PPARGC1A: variants seen among roughly 807,000 people sequenced by gnomAD.
The protein encoded by PPARGC1A is peroxisome proliferator-activated receptor gamma coactivator 1-alpha.
A neutral mutation model predicts 88.7 loss-of-function variants in PPARGC1A; 25 were observed. The observed-to-expected ratio is 0.28, with a 90% CI of 0.21 to 0.39. The LOEUF is 0.39. PPARGC1A is among the 10% of genes least tolerant of loss of function. PPARGC1A has a pLI of 1.00. For missense variants in PPARGC1A, 880 were observed against 968.7 expected, an observed-to-expected ratio of 0.91 and a Z score of 1.22; for synonymous variants, 363 against 355.6, an observed-to-expected ratio of 1.02 and a Z score of -0.24.
chr4:23,962,035 A>T, the PPARGC1A span, among the ~76,000 whole-genome samples: 1 of 152,150 alleles, frequency 6.6e-6, no homozygotes, highest in African/African-American at 2.4e-5. Context: ...GGCCAGTACG[A>T]AAAGGGTTAG....
In PPARGC1A at chr4:23,795,925, T is replaced by C; in HGVS notation, c.2294A>G (p.Asp765Gly). ...QFFKSNYADL[D>G]SNSDDFDPAS... ...AGGGTCAAAGTCATCTGAGTTTGAATCTGAAAAAAAACACAAGCCAGTTTA... is the reference window on the plus strand; with the variant it reads ...AGGGTCAAAGTCATCTGAGTTTGAACCTGAAAAAAAACACAAGCCAGTTTA... The change falls in exon 13 of 13, where the codon GAT becomes GGT. Residue 765 changes from aspartate (D) to glycine (G), a missense_variant and splice_region_variant. Asp to Gly is a moderately conservative substitution (Grantham distance 94, BLOSUM62 -1). Transcript: ENST00000264867. 6.2e-7 allele frequency: 1 copy of C among 1,608,126 alleles called. No homozygotes were observed. The highest frequency in any genetic ancestry group is 8.5e-7 in the Non-Finnish European group (1 of 1,176,792).
the PPARGC1A span, among the ~76,000 whole-genome samples, chr4:24,388,081 A>G: frequency 6.6e-6 from 1 of 151,948 alleles, no homozygotes; most frequent in Non-Finnish European, 1.5e-5. Context: ...AATTTTTGCA[A>G]TCTATCCATC....
the PPARGC1A span, among the ~76,000 whole-genome samples, chr4:24,130,083 G>C: frequency 6.6e-6 from 1 of 151,998 alleles, no homozygotes; most frequent in Non-Finnish European, 1.5e-5. Context: ...CACCAACATG[G>C]CAAATGTATA....
chr4:23,818,090 A>C (rs1722309329), intron 7 of PPARGC1A, among the ~76,000 whole-genome samples: 1 of 151,758 alleles, frequency 6.6e-6, no homozygotes, highest in African/African-American at 2.4e-5. Flanking sequence ...TAATCTCTGG[A>C]CTCTCGATTT....
the PPARGC1A span, among the ~76,000 whole-genome samples, chr4:24,426,130 T>G: frequency 2.0e-5 from 3 of 152,198 alleles, no homozygotes; most frequent in African/African-American, 4.8e-5. Flanking sequence ...AGTTTAGACC[T>G]TGTCCTTATT....
At chr4:24,109,804 G>A in the PPARGC1A span, among the ~76,000 whole-genome samples, 92,415 of 151,934 alleles carry the variant, frequency 0.61, 28,498 homozygotes, top group African/African-American at 0.71. Flanking sequence ...GAGGGGCAGG[G>A]AGGCAAGGCA....
At chr4:24,001,915 AG>A in the PPARGC1A span, among the ~76,000 whole-genome samples, 8 of 152,154 alleles carry the variant, frequency 5.3e-5, no homozygotes, top group African/African-American at 1.7e-4. Context: ...TATTAGTCCA[AG>A]AAGTAAGAGA....
the PPARGC1A span, among the ~76,000 whole-genome samples, chr4:24,283,443 A>C: frequency 6.6e-6 from 1 of 152,230 alleles, no homozygotes; most frequent in African/African-American, 2.4e-5. Context: ...TTTGAACTTG[A>C]AAGAGGGAAC....
chr4:24,318,752 G>T, the PPARGC1A span, among the ~76,000 whole-genome samples: 1 of 152,180 alleles, frequency 6.6e-6, no homozygotes, highest in Non-Finnish European at 1.5e-5. Flanking sequence ...TACTGATAAA[G>T]CCAACGATGT....
the PPARGC1A span, among the ~76,000 whole-genome samples, chr4:23,968,104 T>C: frequency 6.6e-6 from 1 of 152,138 alleles, no homozygotes; most frequent in African/African-American, 2.4e-5. Flanking sequence ...GGAGGCCTCA[T>C]GGTTGAAATC....
intron 5 of PPARGC1A, among the ~76,000 whole-genome samples, chr4:23,827,311 A>G (rs3774908): frequency 0.088 from 13,369 of 152,158 alleles, 635 homozygotes; most frequent in East Asian, 0.19. Context: ...CACTGGGGAA[A>G]AAAAGCGTAT....
chr4:24,393,840 C>T, the PPARGC1A span, among the ~76,000 whole-genome samples: 4 of 152,180 alleles, frequency 2.6e-5, no homozygotes, highest in South Asian at 2.1e-4. Context: ...AAATTTTCGC[C>T]GGGCATAGTG....
chr4:24,276,550 C>A, the PPARGC1A span, among the ~76,000 whole-genome samples: 1 of 152,126 alleles, frequency 6.6e-6, no homozygotes, highest in African/African-American at 2.4e-5. Flanking sequence ...GTTTAGGAAC[C>A]AATGGCCTCT....
chr4:24,261,801 T>C, the PPARGC1A span, among the ~76,000 whole-genome samples: 4 of 152,184 alleles, frequency 2.6e-5, no homozygotes, highest in East Asian at 5.8e-4. Flanking sequence ...CATGTCAATT[T>C]TTTTTCCTCC....
At chr4:24,440,253 A>C in the PPARGC1A span, among the ~76,000 whole-genome samples, 1 of 152,182 alleles carries the variant, frequency 6.6e-6, no homozygotes, top group Non-Finnish European at 1.5e-5. Flanking sequence ...ACTCTTCTAC[A>C]TCTTCCTACA....
chr4:24,200,516 G>GA, the PPARGC1A span, among the ~76,000 whole-genome samples: 12 of 144,614 alleles, frequency 8.3e-5, no homozygotes, highest in Admixed American at 1.4e-4. Flanking sequence ...TGACTCAAAA[G>GA]AAAAAAAAAA....
chr4:24,043,986 T>A, the PPARGC1A span, among the ~76,000 whole-genome samples: 592 of 152,326 alleles, frequency 3.9e-3, 4 homozygotes, highest in Non-Finnish European at 4.2e-3. Context: ...GGTTTTGGCT[T>A]CTGAGTATAT....
the PPARGC1A span, among the ~76,000 whole-genome samples, chr4:24,199,259 A>G: frequency 6.6e-6 from 1 of 152,172 alleles, no homozygotes; most frequent in Admixed American, 6.5e-5. Context: ...ACATTTCCAT[A>G]ACAAACATTT....
chr4:23,861,416 T>C (rs1489899873), intron 2 of PPARGC1A, among the ~76,000 whole-genome samples: 1 of 152,236 alleles, frequency 6.6e-6, no homozygotes, highest in Non-Finnish European at 1.5e-5. Context: ...GTTTAGATGA[T>C]CACAAGTTAA....
Sources: gnomAD v4.1 joint callset for allele counts (sites outside exome capture counted in the v4.1 genomes callset) on GRCh38, gnomAD v4.1.1 for gene constraint, MANE v1.5 for transcripts, NCBI Gene and HGNC (gene_info 2026-07-23, HGNC 2026-07-21) for gene names.